Variants in NFIA observed in about 807,000 individuals in gnomAD.
NFIA encodes the protein nuclear factor 1 A-type.
Under a neutral mutation model 62.8 loss-of-function variants are expected in NFIA, and 8 were observed. The ratio of observed to expected loss-of-function variants is 0.13; its 90% CI spans 0.07 to 0.23. The LOEUF (loss-of-function observed/expected upper bound fraction) is 0.23. Among genes scored for constraint, NFIA ranks in the 10% least tolerant of loss-of-function variants. The probability of loss-of-function intolerance (pLI) is 1.00; values close to 1 mark genes in which losing one functional copy is unlikely to be tolerated. For synonymous variants in NFIA, 235 were observed against 238.1 expected (o/e 0.99, Z 0.12); for missense variants, 410 against 642.1 (o/e 0.64, Z 3.91).
chr1:61,213,701 G>A (rs1303262000), intron 2 of NFIA, among the ~76,000 whole-genome samples: 2 of 152,116 alleles, frequency 1.3e-5, no homozygotes, highest in African/African-American at 2.4e-5. Context: ...TTCATAAAGC[G>A]GTACTAAAAA....
intron 2 of NFIA, among the ~76,000 whole-genome samples, chr1:61,228,719 G>C (rs912804880): frequency 1.3e-5 from 2 of 151,900 alleles, no homozygotes; most frequent in Non-Finnish European, 2.9e-5. Flanking sequence ...AAGGTTTTCG[G>C]TGTAATGTTA....
chr1:61,122,246 T>G (rs1646899044), intron 2 of NFIA, among the ~76,000 whole-genome samples: 1 of 152,212 alleles, frequency 6.6e-6, no homozygotes, highest in Admixed American at 6.5e-5. Flanking sequence ...TGCCTTTTAG[T>G]CTACTAATAT....
intron 2 of NFIA, among the ~76,000 whole-genome samples, chr1:61,191,455 T>C (rs1232823881): frequency 1.3e-5 from 2 of 149,934 alleles, no homozygotes; most frequent in Non-Finnish European, 3.0e-5. Context: ...TCTAGCCTGG[T>C]TTTTTTTTGC....
intron 2 of NFIA, among the ~76,000 whole-genome samples, chr1:61,120,226 A>G (rs1358774871): frequency 2.0e-5 from 3 of 152,246 alleles, no homozygotes; most frequent in Admixed American, 2.0e-4. Flanking sequence ...AGAGTTTTAC[A>G]TAGTGTCTGT....
chr1:61,235,821 A>AAAAAAG (rs869219255), intron 2 of NFIA, among the ~76,000 whole-genome samples: 7 of 151,882 alleles, frequency 4.6e-5, no homozygotes, highest in Non-Finnish European at 4.4e-5. Context: ...TCAAAAAAAA[A>AAAAAAG]AAAAAGAAAA....
intron 6 of NFIA, among the ~76,000 whole-genome samples, chr1:61,367,063 C>T (rs1389002860): frequency 2.0e-5 from 3 of 152,208 alleles, no homozygotes; most frequent in African/African-American, 7.2e-5. Context: ...CGACCCAGGG[C>T]ATTCAGAACT....
chr1:61,201,217 A>G (rs994413584), intron 2 of NFIA, among the ~76,000 whole-genome samples: 2 of 152,198 alleles, frequency 1.3e-5, no homozygotes, highest in East Asian at 1.9e-4. Context: ...TATGGAAAAT[A>G]TAATGATTGT....
At chr1:61,365,555 C>A (rs1663542280) in intron 6 of NFIA, among the ~76,000 whole-genome samples, 1 of 152,178 alleles carries the variant, frequency 6.6e-6, no homozygotes, top group Non-Finnish European at 1.5e-5. Flanking sequence ...CATATTCCTC[C>A]AGTTTAGGGC....
chr1:61,202,674 A>G (rs1039479802), intron 2 of NFIA, among the ~76,000 whole-genome samples: 3 of 152,236 alleles, frequency 2.0e-5, no homozygotes, highest in Admixed American at 6.5e-5. Context: ...TGGCAATAAT[A>G]CATAAAGAAC....
At chr1:61,286,148 C>G (rs1274715103) in intron 3 of NFIA, among the ~76,000 whole-genome samples, 4 of 152,056 alleles carry the variant, frequency 2.6e-5, no homozygotes, top group African/African-American at 9.7e-5. Context: ...GCTGGATAGG[C>G]CGGGCAGGAT....
At position 61,457,083 on chromosome 1, in the gene NFIA, C is replaced by A. The variant is rs1364370093; in HGVS notation, c.*1763C>A. ...ACAATATTGTAATCCCTACTCTAGG[C>A]ACTTGCCTTTAAACTATGTTTTTCA... On this transcript the variant is annotated 3_prime_UTR_variant, in exon 11 of 11. Coordinates refer to ENST00000403491, the MANE Select transcript of NFIA (RefSeq NM_001134673.4). The surrounding 1 kb of genome is among the most constrained non-coding windows in gnomAD (Gnocchi z 4.2). 1 of 152,188 alleles carries A rather than the reference C, an allele frequency of 6.6e-6. No individual in the cohort carries two copies. Among genetic ancestry groups the A allele is most frequent in the Non-Finnish European group, 1.5e-5 (1 of 68,032 alleles). 9.4% of individuals were successfully genotyped at this position (152,188 alleles called of 1,614,324 possible).
At position 61,251,805 on chromosome 1, in the gene NFIA, G is replaced by A. The variant is rs566839684; in HGVS notation, c.560-25715G>A. Among the ~76,000 whole-genome samples the A allele has an allele frequency of 1.3e-4, 20 of 152,180 alleles. No individual in the cohort carries two copies. The South Asian group carries it at 2.9e-3, about 22-fold the overall frequency. ...TGTATTTAATGAAAACAGAAGTAAC[G>A]ATACAAAATAACAAAAATATAAATA... On this transcript the variant is annotated intron_variant, in intron 2 of 10. Transcript: ENST00000403491.
chr1:61,248,076 T>C (rs1655766606), intron 2 of NFIA, among the ~76,000 whole-genome samples: 1 of 152,150 alleles, frequency 6.6e-6, no homozygotes, highest in African/African-American at 2.4e-5. Flanking sequence ...AAAATCTAAT[T>C]GAGCCAGCAT....
At chr1:61,176,935 T>C (rs1650401988) in intron 2 of NFIA, among the ~76,000 whole-genome samples, 1 of 152,042 alleles carries the variant, frequency 6.6e-6, no homozygotes, top group Non-Finnish European at 1.5e-5. Context: ...AAACCCCGTC[T>C]CTACTAAAAG....
At chr1:61,392,984 G>A (rs371220979) in intron 7 of NFIA, among the ~76,000 whole-genome samples, 9 of 152,026 alleles carry the variant, frequency 5.9e-5, no homozygotes, top group Non-Finnish European at 1.2e-4. Flanking sequence ...ATAGACCCAC[G>A]TATCCATACA....
chr1:61,376,184 C>T (rs1664141485), intron 6 of NFIA, among the ~76,000 whole-genome samples: 1 of 152,182 alleles, frequency 6.6e-6, no homozygotes, highest in South Asian at 2.1e-4. Flanking sequence ...GATTTTTACA[C>T]ATTACTGAAT....
intron 2 of NFIA, among the ~76,000 whole-genome samples, chr1:61,186,494 G>A (rs17121795): frequency 0.025 from 3,880 of 152,158 alleles, 163 homozygotes; most frequent in African/African-American, 0.09. Context: ...CCATTAAATC[G>A]TTCAGTCAGT....
intron 2 of NFIA, among the ~76,000 whole-genome samples, chr1:61,239,967 T>G (rs1392559982): frequency 6.6e-6 from 1 of 152,118 alleles, no homozygotes; most frequent in African/African-American, 2.4e-5. Context: ...GAGCAATTTA[T>G]CAATGCATTC....
chr1:61,197,906 G>A (rs891742493), intron 2 of NFIA, among the ~76,000 whole-genome samples: 9 of 152,012 alleles, frequency 5.9e-5, no homozygotes, highest in Admixed American at 3.9e-4. Context: ...GCTTGAACCC[G>A]AGAGGCGGAG....
Sources: allele counts gnomAD v4.1 joint callset (sites outside exome capture counted in the v4.1 genomes callset), GRCh38; gene constraint gnomAD v4.1.1; non-coding constraint Gnocchi (gnomAD v3.1); transcripts MANE v1.5; gene names NCBI Gene and HGNC (gene_info 2026-07-23, HGNC 2026-07-21).